Variants in PLCG2 observed in about 807,000 individuals in gnomAD.
PLCG2 encodes the protein phospholipase C gamma 2, also known as 1-phosphatidylinositol 4,5-bisphosphate phosphodiesterase gamma-2.
PLCG2 carries 69 observed loss-of-function variants against 175.6 expected under a neutral mutation model. The ratio of observed to expected loss-of-function variants is 0.39; its 90% CI spans 0.32 to 0.48. PLCG2 has a LOEUF of 0.48. Among genes scored for constraint, PLCG2 ranks in the 20% least tolerant of loss-of-function variants. The pLI, the probability that PLCG2 is intolerant of heterozygous loss-of-function variation, is 0.91. For synonymous variants in PLCG2, 827 were observed against 624.0 expected (o/e 1.33, Z -4.85); for missense variants, 1,798 against 1,650.9 (o/e 1.09, Z -1.54).
intron 2 of PLCG2, among the ~76,000 whole-genome samples, chr16:81,837,247 G>A (rs1443890952): frequency 6.6e-6 from 1 of 152,184 alleles, no homozygotes. Context: ...TTGTTGAAAG[G>A]GAAGTCTGCA....
At chr16:81,756,384 A>T (rs866248734) in intron 2 of PLCG2, among the ~76,000 whole-genome samples, 11 of 152,326 alleles carry the variant, frequency 7.2e-5, no homozygotes, top group Middle Eastern at 6.8e-3. Flanking sequence ...ATCTCCTTTA[A>T]TCCTCAGAAC....
chr16:81,914,735 C>G (rs1263550994), intron 19 of PLCG2, among the ~76,000 whole-genome samples: 1 of 152,200 alleles, frequency 6.6e-6, no homozygotes, highest in Non-Finnish European at 1.5e-5. Context: ...CCAAGTGTTT[C>G]TTGCTTTTGA....
chr16:81,957,071 G>A lies in PLCG2; in HGVS notation c.3755+192G>A, dbSNP rs531988013. On this transcript the variant is annotated intron_variant, in intron 32 of 32. Transcript: ENST00000564138. Reference sequence around the variant, plus strand: ...CCCAGCACTTTGGGAGGCTGAGGAGGTTGGATCACCTGAGGTCAGGAGTTC... The same window carrying A: ...CCCAGCACTTTGGGAGGCTGAGGAGATTGGATCACCTGAGGTCAGGAGTTC... Among the ~76,000 whole-genome samples the A allele has an allele frequency of 4.6e-5, 7 of 152,176 alleles. No homozygotes were observed. The South Asian group carries it at 1.5e-3, about 32-fold the overall frequency.
chr16:81,959,542 A>C lies in PLCG2; in HGVS notation c.*1544A>C. ...ATTTACCTCGCTTGAAGCCAGGAACACAGGGAACAGCAGTCTGGCCAAGGA... is the reference window on the plus strand; with the variant it reads ...ATTTACCTCGCTTGAAGCCAGGAACCCAGGGAACAGCAGTCTGGCCAAGGA... On this transcript the variant is annotated 3_prime_UTR_variant, in exon 33 of 33. Transcript: ENST00000564138. The C allele has an allele frequency of 4.8e-6, 1 of 207,000 alleles. No individual in the cohort carries two copies. Among genetic ancestry groups the C allele is most frequent in the Non-Finnish European group, 9.9e-6 (1 of 101,388 alleles). The allele number at this position is 207,000 out of a possible 1,614,324, so 12.8% of individuals were successfully genotyped here. A position where few individuals can be genotyped will look rare whatever the true frequency, so the allele number is the denominator to read the frequency against.
intron 2 of PLCG2, among the ~76,000 whole-genome samples, chr16:81,812,213 C>G (rs1904350528): frequency 6.6e-6 from 1 of 151,954 alleles, no homozygotes. Context: ...CCGCGCCTGG[C>G]TAATTTTTTG....
At chr16:81,903,632 G>A (rs115804613) in intron 14 of PLCG2, among the ~76,000 whole-genome samples, 473 of 152,300 alleles carry the variant, frequency 3.1e-3, no homozygotes, top group African/African-American at 0.011. Flanking sequence ...CTTCCAGCAC[G>A]GTGAAGGCAG....
At chr16:81,843,180 A>G (rs1286094808) in intron 2 of PLCG2, among the ~76,000 whole-genome samples, 1 of 152,148 alleles carries the variant, frequency 6.6e-6, no homozygotes, top group East Asian at 1.9e-4. Flanking sequence ...CTTTGAGAAT[A>G]AAGTGTTGTT....
intron 2 of PLCG2, among the ~76,000 whole-genome samples, chr16:81,768,419 G>C (rs1910198984): frequency 6.6e-6 from 1 of 152,112 alleles, no homozygotes; most frequent in African/African-American, 2.4e-5. Flanking sequence ...ATACAGGTGA[G>C]TTTGCTGGGT....
chr16:81,919,578 G>C lies in PLCG2; in HGVS notation c.2149G>C (p.Val717Leu). 1 of 1,614,104 alleles carries C rather than the reference G, an allele frequency of 6.2e-7. No homozygotes were observed. Among genetic ancestry groups the C allele is most frequent in the South Asian group, 1.1e-5 (1 of 91,088 alleles). The change falls in exon 20 of 33, where the codon GTC (valine) becomes CTC (leucine). Residue 717 changes from valine to leucine, a missense_variant. Transcript: ENST00000564138. ...SAYFESLVEL[V>L]SYYEKHSLYR... ...CTATTTTGAGAGTCTGGTGGAGCTC[G>C]TCAGTTACTACGAGAAGCATTCACT...
intron 2 of PLCG2, among the ~76,000 whole-genome samples, chr16:81,849,771 C>CAAAAAAAAAAAAAAAAAAAAAAAAAAA (rs34130863): frequency 2.4e-5 from 2 of 83,154 alleles, no homozygotes; most frequent in Non-Finnish European, 4.2e-5. Flanking sequence ...AACTCTGTCT[C>CAAAAAAAAAAAAAAAAAAAAAAAAAAA]AAAAAAAAAA....
chr16:81,787,137 T>G (rs1911005791), intron 2 of PLCG2, among the ~76,000 whole-genome samples: 1 of 152,230 alleles, frequency 6.6e-6, no homozygotes, highest in Admixed American at 6.5e-5. Flanking sequence ...ATGTAACAGT[T>G]TAACTCCAGA....
intron 7 of PLCG2, among the ~76,000 whole-genome samples, chr16:81,878,355 C>G (rs761425673): frequency 6.6e-6 from 1 of 152,136 alleles, no homozygotes; most frequent in Non-Finnish European, 1.5e-5. Context: ...CTCATCTTAA[C>G]TTGATTGCAC....
At chr16:81,804,714 C>A (rs1911912365) in intron 2 of PLCG2, among the ~76,000 whole-genome samples, 1 of 152,088 alleles carries the variant, frequency 6.6e-6, no homozygotes. Flanking sequence ...GACCGTTTTC[C>A]CAGAGCCCTG....
intron 2 of PLCG2, among the ~76,000 whole-genome samples, chr16:81,796,105 C>G (rs1474192147): frequency 6.6e-6 from 1 of 152,194 alleles, no homozygotes; most frequent in Non-Finnish European, 1.5e-5. Context: ...AATGAACAGT[C>G]TCATCGCTGG....
chr16:81,751,425 C>A (rs1027054070), intron 1 of PLCG2, among the ~76,000 whole-genome samples: 1 of 152,212 alleles, frequency 6.6e-6, no homozygotes, highest in African/African-American at 2.4e-5. Context: ...CTAAAACAGT[C>A]AAACTCATAG....
chr16:81,838,778 AATATATATATAT>A lies in PLCG2; in HGVS notation c.194-15647_194-15636del, dbSNP rs10549962. On this transcript the variant is annotated intron_variant, in intron 2 of 32. Transcript: ENST00000564138. The stretch of plus-strand genomic sequence containing the variant: ...TATCCCAGAACTTAAAGTAAAATTA[AATATATATATAT>A]ATATATATATATATATATGTAAATA... Among the ~76,000 whole-genome samples the A allele has an allele frequency of 1.3e-3, 180 of 141,676 alleles. 1 individual carries two copies. Among genetic ancestry groups the A allele is most frequent in the African/African-American group, 3.9e-3 (148 of 38,350 alleles). 92.9% of individuals were successfully genotyped at this position (141,676 alleles called of 152,430 possible). A position where few individuals can be genotyped will look rare whatever the true frequency, so the allele number is the denominator to read the frequency against.
upstream of PLCG2, among the ~76,000 whole-genome samples, chr16:81,776,842 A>G (rs908531527): frequency 1.3e-5 from 2 of 152,240 alleles, no homozygotes; most frequent in African/African-American, 4.8e-5. Flanking sequence ...GGTATGAGCC[A>G]CTGCACCTGG....
intron 3 of PLCG2, among the ~76,000 whole-genome samples, chr16:81,855,800 C>A (rs2143479176): frequency 6.6e-6 from 1 of 152,186 alleles, no homozygotes; most frequent in Non-Finnish European, 1.5e-5. Context: ...CAGGGAAAGG[C>A]TGTGGTGTGT....
intron 16 of PLCG2, 106 bp from the exon 17 acceptor site, chr16:81,908,310 C>A: frequency 9.5e-7 from 1 of 1,054,336 alleles, no homozygotes; most frequent in Non-Finnish European, 1.4e-6. Context: ...GCTGGCCTCT[C>A]TATGTTATCT....
Sources: allele counts gnomAD v4.1 joint callset (sites outside exome capture counted in the v4.1 genomes callset), GRCh38; gene constraint gnomAD v4.1.1; transcripts MANE v1.5; gene names NCBI Gene and HGNC (gene_info 2026-07-23, HGNC 2026-07-21).